The following NDST1 variants were observed in gnomAD, a reference collection of about 807,000 sequenced individuals.
NDST1 encodes bifunctional heparan sulfate N-deacetylase/N-sulfotransferase 1.
A neutral mutation model predicts 92.8 loss-of-function variants in NDST1; 35 were observed. The ratio of observed to expected loss-of-function variants is 0.38; its 90% CI spans 0.29 to 0.50. The LOEUF (loss-of-function observed/expected upper bound fraction) is 0.50, where lower values mean the gene tolerates loss of function less well. Among genes scored for constraint, NDST1 ranks in the 20% least tolerant of loss-of-function variants. The pLI, the probability that NDST1 is intolerant of heterozygous loss-of-function variation, is 0.94. For synonymous variants in NDST1, 493 were observed against 500.3 expected, an observed-to-expected ratio of 0.99 and a Z score of 0.19; for missense variants, 822 against 1,182.7, an observed-to-expected ratio of 0.69 and a Z score of 4.47.
Position 150,558,168 on chromosome 5 carries a change from T to G in NDST1, c.*4836T>G, listed in dbSNP as rs1755913796. 1 of 152,652 alleles carries G rather than the reference T, an allele frequency of 6.6e-6. No individual in the cohort carries two copies. The highest frequency in any genetic ancestry group is 1.5e-5 in the Non-Finnish European group (1 of 68,064). 9.5% of individuals were successfully genotyped at this position (152,652 alleles called of 1,614,324 possible). On this transcript the variant is annotated 3_prime_UTR_variant, in exon 15 of 15. Transcript: ENST00000261797. ...AAGGTGAGACCTTCCTCCATTAATG[T>G]ACAATCTCGAACTAACTGCTAATAA... is the stretch of plus-strand genomic sequence containing the variant.
At chr5:150,502,504 G>T (rs926109970) in intron 1 of NDST1, among the ~76,000 whole-genome samples, 5 of 152,014 alleles carry the variant, frequency 3.3e-5, no homozygotes, top group Admixed American at 2.0e-4. Flanking sequence ...TGCTGGGGTG[G>T]GGCCTATGCT....
rs1253117613 is a variant in NDST1 at position 150,515,700 on chromosome 5, AAGGCCCAGC to A, written c.-387-5159_-387-5151del. 5.9e-5 allele frequency among the ~76,000 whole-genome samples: 9 copies of A among 152,280 alleles called. No individual in the cohort carries two copies. In the South Asian group the frequency reaches 1.7e-3, roughly 28 times the overall value. On this transcript the variant is annotated intron_variant, in intron 1 of 14. Coordinates refer to ENST00000261797, the MANE Select transcript of NDST1 (RefSeq NM_001543.5). Reference sequence around the variant, plus strand: ...AGGGGAAACTGCTGGTGATGTCTGCAAGGCCCAGCAGGCCCAGGGTGGTGGGGGTCATTG... The same window carrying A: ...AGGGGAAACTGCTGGTGATGTCTGCAAGGCCCAGGGTGGTGGGGGTCATTG...
chr5:150,524,100 G>A (rs1282990634), intron 2 of NDST1, among the ~76,000 whole-genome samples: 2 of 152,188 alleles, frequency 1.3e-5, no homozygotes, highest in Non-Finnish European at 2.9e-5. Flanking sequence ...GTGAGAGCAG[G>A]GACTTAAAAG....
chr5:150,514,582 A>AAAAAT (rs200687327), intron 1 of NDST1, among the ~76,000 whole-genome samples: 1 of 149,638 alleles, frequency 6.7e-6, no homozygotes. Context: ...AAAAAAAAAA[A>AAAAAT]GTGCTTAGCA....
intron 8 of NDST1, 113 bp downstream of exon 8, chr5:150,540,377 C>G (rs767798418): frequency 2.2e-5 from 26 of 1,179,066 alleles, no homozygotes; most frequent in Non-Finnish European, 3.1e-5. Flanking sequence ...CACACTCTCG[C>G]TCGAATGTAA....
In NDST1 at chr5:150,553,401, C is replaced by T; in HGVS notation, c.*69C>T. On this transcript the variant is annotated 3_prime_UTR_variant, in exon 15 of 15. Transcript: ENST00000261797. The surrounding 1 kb of genome is among the most constrained non-coding windows in gnomAD (Gnocchi z 4.2). ...CATCCCACCACACGCTGAGCCAGAC[C>T]TGCAGAGTGGGAAGCTGGACCAGGG... 1 of 1,587,394 alleles carries T rather than the reference C, an allele frequency of 6.3e-7. No individual in the cohort carries two copies. The highest frequency in any genetic ancestry group is 8.6e-7 in the Non-Finnish European group (1 of 1,160,928).
At chr5:150,539,653 C>T in intron 7 of NDST1, 1 of 985,276 alleles carries the variant, frequency 1.0e-6, no homozygotes, top group Non-Finnish European at 1.2e-6. Flanking sequence ...TACACAGATA[C>T]ACACACATAT....
rs1227080550 is a variant in NDST1 at position 150,553,473 on chromosome 5, G to C, written c.*141G>C. 8.2e-7 allele frequency: 1 copy of C among 1,226,024 alleles called. No homozygotes were observed. Among genetic ancestry groups the C allele is most frequent in the Admixed American group, 1.7e-5 (1 of 57,694 alleles). 75.9% of individuals were successfully genotyped at this position (1,226,024 alleles called of 1,614,324 possible). A position where few individuals can be genotyped will look rare whatever the true frequency, so the allele number is the denominator to read the frequency against. Reference sequence around the variant, plus strand: ...TACTCTGTGGAGGTCTGGTGGGGCTGGGGGAGCACCCAGGCGGATCTGCAA... The same window carrying C: ...TACTCTGTGGAGGTCTGGTGGGGCTCGGGGAGCACCCAGGCGGATCTGCAA... On this transcript the variant is annotated 3_prime_UTR_variant, in exon 15 of 15. Transcript: ENST00000261797. This position sits in a 1 kb window ranked among gnomAD's most constrained non-coding sequence, Gnocchi z 4.2.
intron 2 of NDST1, among the ~76,000 whole-genome samples, chr5:150,523,529 C>T (rs1000305813): frequency 7.9e-5 from 12 of 152,240 alleles, no homozygotes; most frequent in Admixed American, 5.9e-4. Context: ...TCCAAGCCTA[C>T]GCCTCTGATG....
rs1344015268 is a variant in NDST1, at chr5:150,535,696, C to T, written c.1252-4C>T. On this transcript the variant is annotated splice_region_variant and splice_polypyrimidine_tract_variant and intron_variant, in intron 5 of 14. Transcript: ENST00000261797. ...TCACCCTGGCCTGGTCATCCTCTCCCTAGGAGCATGGCATTCCCACAGACA... is the reference window on the plus strand; with the variant it reads ...TCACCCTGGCCTGGTCATCCTCTCCTTAGGAGCATGGCATTCCCACAGACA... 6.2e-7 allele frequency: 1 copy of T among 1,614,006 alleles called. No individual in the cohort carries two copies. The highest frequency in any genetic ancestry group is 8.5e-7 in the Non-Finnish European group (1 of 1,180,000).
chr5:150,539,566 T>C, intron 7 of NDST1: 1 of 1,420,644 alleles, frequency 7.0e-7, no homozygotes, highest in Non-Finnish European at 9.2e-7. Flanking sequence ...CCTTTCCTAA[T>C]CATGTACTTT....
chr5:150,517,604 T>G (rs1027617537), intron 1 of NDST1, among the ~76,000 whole-genome samples: 2 of 152,238 alleles, frequency 1.3e-5, no homozygotes, highest in African/African-American at 4.8e-5. Context: ...CACAGTAGTT[T>G]CACTGCCAAA....
chr5:150,509,118 C>T (rs1316216045), intron 1 of NDST1, among the ~76,000 whole-genome samples: 1 of 152,132 alleles, frequency 6.6e-6, no homozygotes, highest in Non-Finnish European at 1.5e-5. Context: ...GTTGTGGTTT[C>T]CAGGCCCGCA....
intron 2 of NDST1, among the ~76,000 whole-genome samples, chr5:150,527,409 C>CA (rs1754523203): frequency 3.9e-5 from 6 of 152,272 alleles, no homozygotes; most frequent in Admixed American, 3.9e-4. Flanking sequence ...AACTGAGGCA[C>CA]AGAGAGGTGA....
At position 150,540,071 on chromosome 5, in the gene NDST1, C is replaced by T. The variant is rs777365729; in HGVS notation, c.1567-11C>T. Reference sequence around the variant, plus strand: ...TGGGCCCTGCCTCTCTCCTCCCCTCCCCTGGAGCAGATCAGCATCTTCATG... The same window carrying T: ...TGGGCCCTGCCTCTCTCCTCCCCTCTCCTGGAGCAGATCAGCATCTTCATG... On this transcript the variant is annotated splice_polypyrimidine_tract_variant and intron_variant, in intron 7 of 14. Transcript: ENST00000261797. 6.2e-7 allele frequency: 1 copy of T among 1,614,214 alleles called. No individual in the cohort carries two copies. Among genetic ancestry groups the T allele is most frequent in the East Asian group, 2.2e-5 (1 of 44,882 alleles).
At chr5:150,506,331 T>A (rs1006598612), upstream of NDST1, among the ~76,000 whole-genome samples, 3 of 152,198 alleles carry the variant, frequency 2.0e-5, no homozygotes, top group Non-Finnish European at 4.4e-5. Flanking sequence ...CAGGCTGGTG[T>A]TGAACTCCTG....
intron 6 of NDST1, 102 bp downstream of exon 6, chr5:150,535,987 C>A: frequency 7.2e-7 from 1 of 1,391,790 alleles, no homozygotes. Flanking sequence ...GGTTTGCTGG[C>A]TTAGGGGTTG....
At chr5:150,545,548 TACTC>T (rs968538263) in intron 11 of NDST1, 62 bp downstream of exon 11, 38 of 1,587,732 alleles carry the variant, frequency 2.4e-5, no homozygotes, top group African/African-American at 6.7e-5. Context: ...GACACTCAGT[TACTC>T]ACTCACTCAA....
intron 1 of NDST1, among the ~76,000 whole-genome samples, chr5:150,515,904 C>T (rs569656652): frequency 2.0e-5 from 3 of 152,194 alleles, no homozygotes; most frequent in Admixed American, 1.3e-4. Context: ...GTGCTGGAAG[C>T]CCCCTTTGCC....
Sources: gnomAD v4.1 joint callset for allele counts (sites outside exome capture counted in the v4.1 genomes callset) on GRCh38, gnomAD v4.1.1 for gene constraint, Gnocchi (gnomAD v3.1) non-coding constraint, MANE v1.5 for transcripts, NCBI Gene and HGNC (gene_info 2026-07-23, HGNC 2026-07-21) for gene names.